The following EXO5 variants were observed in gnomAD, a reference collection of about 807,000 sequenced individuals.
EXO5 encodes exonuclease 5.
In EXO5, 11 loss-of-function variants were observed where a neutral mutation model predicts 17.8. That is an observed-to-expected ratio of 0.62 (90% confidence interval 0.39 to 1.02). The LOEUF is 1.02. Ranked by LOEUF, EXO5 falls within the 50% of genes least tolerant of loss-of-function variation. The probability of loss-of-function intolerance (pLI) is 0.00; values close to 1 mark genes in which losing one functional copy is unlikely to be tolerated. For missense variants in EXO5, 364 were observed against 434.8 expected (o/e 0.84, Z 1.45); for synonymous variants, 147 against 166.5 (o/e 0.88, Z 0.90).
In EXO5 at chr1:40,514,619, C is replaced by T; in HGVS notation, c.75C>T (p.Phe25=). 2 of 1,614,142 alleles carry T rather than the reference C, an allele frequency of 1.2e-6. No individual in the cohort carries two copies. Among genetic ancestry groups the T allele is most frequent in the Non-Finnish European group, 1.7e-6 (2 of 1,180,020 alleles). ...SGFSDLSDSE[F]LEFLDLEDAQ... ...TCTCAGACTTGAGTGACTCAGAGTT[C>T]CTGGAGTTTCTGGACCTAGAAGATG... is the stretch of plus-strand genomic sequence containing the variant. The change falls in exon 4 of 4, where the codon TTC becomes TTT. Residue 25 remains phenylalanine (F), a synonymous_variant. Coordinates refer to ENST00000415550, the MANE Select transcript of EXO5 (RefSeq NM_001346953.2).
chr1:40,512,726 C>T (rs940040202), intron 3 of EXO5, among the ~76,000 whole-genome samples: 20 of 152,076 alleles, frequency 1.3e-4, no homozygotes, highest in Non-Finnish European at 5.9e-5. Context: ...CTCAGCCTCC[C>T]GAGTAGCTAG....
Position 40,514,919 on chromosome 1 carries a change from A to C in EXO5, c.375A>C (p.Glu125Asp). Reference sequence around the variant, plus strand: ...GTGCCAGCATACACCTAGCTAGAGAACTAGAACTTCATGATCTTGTGACTG... The same window carrying C: ...GTGCCAGCATACACCTAGCTAGAGACCTAGAACTTCATGATCTTGTGACTG... The part of the protein sequence containing the change: ...DTGASIHLAR[E>D]LELHDLVTVP... Residue 125 changes from glutamate to aspartate, a missense_variant, in exon 4 of 4, where the codon GAA becomes GAC. Transcript: ENST00000415550. 6.2e-7 allele frequency: 1 copy of C among 1,614,202 alleles called. No homozygotes were observed. Among genetic ancestry groups the C allele is most frequent in the African/African-American group, 1.3e-5 (1 of 75,064 alleles).
chr1:40,514,965 G>T lies in EXO5; in HGVS notation c.421G>T (p.Asp141Tyr). ...LVTVPVTTKE[D>Y]AWAIKFLNIL... ...GACTGTCCCAGTCACCACTAAAGAA[G>T]ATGCTTGGGCAATTAAGTTTCTGAA... Residue 141 changes from aspartate to tyrosine, a missense_variant, in exon 4 of 4, where the codon GAT becomes TAT. Asp to Tyr is a radical substitution (Grantham distance 160). Coordinates refer to ENST00000415550, the MANE Select transcript of EXO5 (RefSeq NM_001346953.2). 6.2e-7 allele frequency: 1 copy of T among 1,614,160 alleles called. No homozygotes were observed. The highest frequency in any genetic ancestry group is 8.5e-7 in the Non-Finnish European group (1 of 1,180,024).
intron 3 of EXO5, among the ~76,000 whole-genome samples, chr1:40,513,082 T>G (rs1290560063): frequency 1.3e-5 from 2 of 151,930 alleles, no homozygotes; most frequent in African/African-American, 4.8e-5. Flanking sequence ...AAATTTTGAG[T>G]TTTTAATAAT....
intron 3 of EXO5, among the ~76,000 whole-genome samples, chr1:40,513,206 A>G (rs11208298): frequency 0.26 from 39,888 of 152,040 alleles, 6,799 homozygotes; most frequent in East Asian, 0.47. Flanking sequence ...TAATATTAAG[A>G]GGATAATTTA....
At chr1:40,511,844 T>C (rs1001991153) in intron 3 of EXO5, among the ~76,000 whole-genome samples, 2 of 152,118 alleles carry the variant, frequency 1.3e-5, no homozygotes, top group African/African-American at 4.8e-5. Context: ...AAAAAGAGTA[T>C]CTTCATAAGA....
At chr1:40,511,885 T>TTTTTTC in intron 3 of EXO5, among the ~76,000 whole-genome samples, 1 of 65,006 alleles carries the variant, frequency 1.5e-5, no homozygotes, top group South Asian at 5.2e-4. Flanking sequence ...TTCTTTTTTC[T>TTTTTTC]TTTTTTTTTT....
chr1:40,515,527 G>A lies in EXO5; in HGVS notation c.983G>A (p.Gly328Asp). Residue 328 changes from glycine (G) to aspartate (D), a missense_variant, in exon 4 of 4, where the codon GGC (glycine) becomes GAC (aspartate). By Grantham distance (94) the Gly-to-Asp change is moderately conservative. Coordinates refer to ENST00000415550, the MANE Select transcript of EXO5 (RefSeq NM_001346953.2). Reference sequence around the variant, plus strand: ...CAGCATTATATGGCCTACTGGATGGGCCACCGAGAGCCCCAGGGAGTTGAC... The same window carrying A: ...CAGCATTATATGGCCTACTGGATGGACCACCGAGAGCCCCAGGGAGTTGAC... ...KVQHYMAYWM[G>D]HREPQGVDVE... The A allele has an allele frequency of 6.2e-7, 1 of 1,612,348 alleles. No homozygotes were observed. Among genetic ancestry groups the A allele is most frequent in the Non-Finnish European group, 8.5e-7 (1 of 1,179,450 alleles).
At chr1:40,511,160 G>A (rs577094446) in intron 3 of EXO5, among the ~76,000 whole-genome samples, 17 of 152,264 alleles carry the variant, frequency 1.1e-4, no homozygotes, top group East Asian at 1.9e-4. Context: ...GCGTGAACCC[G>A]GGAGGCAGAG....
At chr1:40,513,184 C>T (rs967744996) in intron 3 of EXO5, among the ~76,000 whole-genome samples, 1 of 152,118 alleles carries the variant, frequency 6.6e-6, no homozygotes, top group Non-Finnish European at 1.5e-5. Context: ...TAGTGACAGA[C>T]ACCAATTTCT....
intron 1 of EXO5, 165 bp from the exon 2 acceptor site, chr1:40,509,286 T>A (rs1054233044): frequency 1.3e-5 from 2 of 152,250 alleles, no homozygotes; most frequent in Non-Finnish European, 2.9e-5. Context: ...CAAGTCAGGA[T>A]GTTGCCATCG....
Position 40,514,687 on chromosome 1 carries a change from C to T in EXO5, c.143C>T (p.Ser48Phe). 6.2e-7 allele frequency: 1 copy of T among 1,614,188 alleles called. No individual in the cohort carries two copies. Among genetic ancestry groups the T allele is most frequent in the Non-Finnish European group, 8.5e-7 (1 of 1,180,034 alleles). The change falls in exon 4 of 4, where the codon TCT becomes TTT. Residue 48 changes from serine to phenylalanine, a missense_variant. Coordinates refer to ENST00000415550, the MANE Select transcript of EXO5 (RefSeq NM_001346953.2). ...KALVNMPGPS[S>F]ESLGKDDKPI... The stretch of plus-strand genomic sequence containing the variant: ...TTAGTTAACATGCCTGGCCCATCTT[C>T]TGAATCCCTTGGGAAGGATGACAAA...
Position 40,515,901 on chromosome 1 carries a change from A to G in EXO5, c.*235A>G. The G allele has an allele frequency of 2.2e-6, 1 of 452,962 alleles. No individual in the cohort carries two copies. The highest frequency in any genetic ancestry group is 4.0e-6 in the Non-Finnish European group (1 of 248,312). 28.1% of individuals were successfully genotyped at this position (452,962 alleles called of 1,614,324 possible). ...TGATTGCCTGAGAAGACAGATGCTC[A>G]TCATGGCTGGAATGAAGGTATCCTT... On this transcript the variant is annotated 3_prime_UTR_variant, in exon 4 of 4. Transcript: ENST00000415550.
At chr1:40,511,345 T>C (rs1645773832) in intron 3 of EXO5, among the ~76,000 whole-genome samples, 1 of 152,244 alleles carries the variant, frequency 6.6e-6, no homozygotes, top group African/African-American at 2.4e-5. Flanking sequence ...AAATAAAGTT[T>C]CTTGAAATTA....
Position 40,515,510 on chromosome 1 carries a change from T to C in EXO5, c.966T>C (p.Tyr322=). The change falls in exon 4 of 4, where the codon TAT becomes TAC. Residue 322 remains tyrosine, a synonymous_variant. Transcript: ENST00000415550. ...AGGTGAGAGCCAAGGTGCAGCATTA[T>C]ATGGCCTACTGGATGGGCCACCGAG... ...EKEVRAKVQH[Y]MAYWMGHREP... The C allele has an allele frequency of 6.2e-7, 1 of 1,613,750 alleles. No homozygotes were observed. The highest frequency in any genetic ancestry group is 1.3e-5 in the African/African-American group (1 of 74,902).
intron 3 of EXO5, among the ~76,000 whole-genome samples, chr1:40,514,267 G>A (rs1465475067): frequency 2.0e-5 from 3 of 149,660 alleles, no homozygotes; most frequent in East Asian, 2.0e-4. Flanking sequence ...GTGAAAGAGC[G>A]AGACTCCGTC....
intron 3 of EXO5, among the ~76,000 whole-genome samples, chr1:40,511,640 G>A (rs904769066): frequency 6.6e-6 from 1 of 152,200 alleles, no homozygotes; most frequent in African/African-American, 2.4e-5. Context: ...AGGAGTTGGT[G>A]CATTCACCTT....
In EXO5 at chr1:40,514,761, A is replaced by C. The variant is rs774647599; in HGVS notation, c.217A>C (p.Met73Leu). ...WKRGLDILSP[M>L]ERFHLKYLYV... ...AAGAGGATTGGATATATTATCACCC[A>C]TGGAGAGATTCCACCTTAAATATTT... Residue 73 changes from methionine (M) to leucine (L), a missense_variant, in exon 4 of 4, where the codon ATG becomes CTG. Coordinates refer to ENST00000415550, the MANE Select transcript of EXO5 (RefSeq NM_001346953.2). 6.2e-7 allele frequency: 1 copy of C among 1,614,196 alleles called. No homozygotes were observed. The highest frequency in any genetic ancestry group is 2.2e-5 in the East Asian group (1 of 44,888).
At position 40,514,794 on chromosome 1, in the gene EXO5, ACTGAC is replaced by A. The variant is rs1645848928; in HGVS notation, c.254_258del (p.Asp85GlyfsTer7). ...ATTCCACCTTAAATATTTATATGTC[ACTGAC>A]CTGGCTACTCAGAACTGGTGTGAAC... On this transcript the variant is annotated frameshift_variant, in exon 4 of 4. Coordinates refer to ENST00000415550, the MANE Select transcript of EXO5 (RefSeq NM_001346953.2). LOFTEE classifies it high-confidence loss of function. The A allele has an allele frequency of 6.2e-7, 1 of 1,614,090 alleles. No homozygotes were observed. Among genetic ancestry groups the A allele is most frequent in the African/African-American group, 1.3e-5 (1 of 74,922 alleles).
Sources: gnomAD v4.1 joint callset for allele counts (sites outside exome capture counted in the v4.1 genomes callset) on GRCh38, gnomAD v4.1.1 for gene constraint, MANE v1.5 for transcripts, NCBI Gene and HGNC (gene_info 2026-07-23, HGNC 2026-07-21) for gene names.